Variants in RTL4 observed in about 807,000 individuals in gnomAD.
RTL4 encodes retrotransposon Gag like 4.
A neutral mutation model predicts 5.3 loss-of-function variants in RTL4; 4 were observed. The ratio of observed to expected loss-of-function variants is 0.75; its 90% CI spans 0.37 to 1.72. The LOEUF is 1.72. RTL4 is among the 40% of genes most tolerant of loss of function. RTL4 has a pLI of 0.04. For synonymous variants in RTL4, 98 were observed against 87.3 expected (o/e 1.12, Z -0.68); for missense variants, 260 against 227.1 (o/e 1.14, Z -0.93).
the RTL4 span, among the ~76,000 whole-genome samples, chrX:112,134,955 A>C: frequency 8.9e-6 from 1 of 112,011 alleles, no homozygotes; most frequent in Admixed American, 9.5e-5. Flanking sequence ...TAGCACATGG[A>C]TGGACAGTTG....
the RTL4 span, among the ~76,000 whole-genome samples, chrX:112,267,510 C>G: frequency 4.5e-5 from 5 of 111,814 alleles, no homozygotes; most frequent in African/African-American, 1.6e-4. Context: ...CTCCATGGCT[C>G]AGTCTCACAG....
the RTL4 span, among the ~76,000 whole-genome samples, chrX:112,443,759 CT>C: frequency 8.9e-6 from 1 of 111,971 alleles, no homozygotes; most frequent in African/African-American, 3.2e-5. Context: ...CTATTCGAAT[CT>C]TTTGCCTATT....
the RTL4 span, among the ~76,000 whole-genome samples, chrX:112,085,689 A>C: frequency 8.9e-6 from 1 of 111,858 alleles, no homozygotes. Flanking sequence ...CCAAATGTCC[A>C]CTGGGGAGCA....
chrX:112,148,629 G>A, the RTL4 span, among the ~76,000 whole-genome samples: 10 of 111,970 alleles, frequency 8.9e-5, no homozygotes, highest in Non-Finnish European at 1.9e-4. Context: ...ATAAGGCAGA[G>A]AGAACAGAGT....
chrX:112,377,142 T>C, the RTL4 span, among the ~76,000 whole-genome samples: 12 of 111,664 alleles, frequency 1.1e-4, no homozygotes, highest in East Asian at 1.1e-3. Flanking sequence ...AGGAAACTTA[T>C]TTCATTATAC....
At chrX:112,190,169 T>G in the RTL4 span, among the ~76,000 whole-genome samples, 1 of 92,110 alleles carries the variant, frequency 1.1e-5, no homozygotes, top group South Asian at 4.7e-4. Context: ...TCTTTCTTTC[T>G]TTCTTTCTTT....
At chrX:112,318,034 A>C in the RTL4 span, among the ~76,000 whole-genome samples, 1 of 112,191 alleles carries the variant, frequency 8.9e-6, no homozygotes, top group South Asian at 3.7e-4. Flanking sequence ...TTATTTTCAA[A>C]ATATTTATTG....
the RTL4 span, among the ~76,000 whole-genome samples, chrX:112,269,526 C>A: frequency 1.8e-5 from 2 of 111,414 alleles, no homozygotes; most frequent in Non-Finnish European, 3.8e-5. Flanking sequence ...ATAAAATGGA[C>A]CAAACTCTTT....
chrX:112,194,047 G>C, the RTL4 span, among the ~76,000 whole-genome samples: 15 of 111,958 alleles, frequency 1.3e-4, no homozygotes, highest in African/African-American at 4.9e-4. Flanking sequence ...AATCCAGACT[G>C]ATACTGATCC....
the RTL4 span, among the ~76,000 whole-genome samples, chrX:112,195,137 A>C: frequency 2.7e-5 from 3 of 111,873 alleles, no homozygotes. Context: ...ATGGTCCTAA[A>C]GATGAAGCAT....
chrX:112,373,126 T>A, the RTL4 span, among the ~76,000 whole-genome samples: 1 of 111,692 alleles, frequency 9.0e-6, no homozygotes, highest in Non-Finnish European at 1.9e-5. Flanking sequence ...ATATTTTCAG[T>A]GTAACTTATG....
chrX:112,339,273 T>G, the RTL4 span, among the ~76,000 whole-genome samples: 175 of 111,981 alleles, frequency 1.6e-3, no homozygotes, highest in Non-Finnish European at 3.8e-4. Flanking sequence ...CTATGTAATT[T>G]GTTGTTCAAA....
the RTL4 span, among the ~76,000 whole-genome samples, chrX:112,335,576 C>A: frequency 9.0e-6 from 1 of 110,811 alleles, no homozygotes; most frequent in Non-Finnish European, 1.9e-5. Context: ...TTACAGTTTT[C>A]AATGTCTTAT....
chrX:112,265,304 T>C, the RTL4 span, among the ~76,000 whole-genome samples: 1 of 112,595 alleles, frequency 8.9e-6, no homozygotes. Context: ...ATGAGAGTCA[T>C]GAAAGCTCTT....
At chrX:112,135,198 A>T in the RTL4 span, among the ~76,000 whole-genome samples, 1 of 112,039 alleles carries the variant, frequency 8.9e-6, no homozygotes, top group Non-Finnish European at 1.9e-5. Context: ...ATTGCTTTGC[A>T]TCCTTACCAA....
At chrX:112,221,920 T>G in the RTL4 span, among the ~76,000 whole-genome samples, 1 of 112,741 alleles carries the variant, frequency 8.9e-6, no homozygotes, top group Non-Finnish European at 1.9e-5. Context: ...GGCCTTGCCC[T>G]TCTTGTTTTC....
At chrX:112,326,576 G>T in the RTL4 span, among the ~76,000 whole-genome samples, 3 of 111,936 alleles carry the variant, frequency 2.7e-5, no homozygotes, top group South Asian at 1.1e-3. Flanking sequence ...GCGAGGCTGG[G>T]GGAGGGGCGC....
chrX:112,201,079 C>A, the RTL4 span, among the ~76,000 whole-genome samples: 4 of 111,414 alleles, frequency 3.6e-5, no homozygotes, highest in Non-Finnish European at 5.6e-5. Context: ...GAGACCTGAG[C>A]AAACTTACAA....
the RTL4 span, among the ~76,000 whole-genome samples, chrX:112,347,477 C>T: frequency 9.0e-6 from 1 of 111,185 alleles, no homozygotes; most frequent in Non-Finnish European, 1.9e-5. Context: ...AGGAGTCAAA[C>T]TTGACCTACT....
Sources: allele counts gnomAD v4.1 joint callset (sites outside exome capture counted in the v4.1 genomes callset), GRCh38; gene constraint gnomAD v4.1.1; transcripts MANE v1.5; gene names NCBI Gene and HGNC (gene_info 2026-07-23, HGNC 2026-07-21).